Variants in EPC2 observed in about 807,000 individuals in gnomAD.
The protein encoded by EPC2 is enhancer of polycomb homolog 2.
In EPC2, 14 loss-of-function variants were observed where a neutral mutation model predicts 92.1. The observed-to-expected ratio is 0.15, with a 90% confidence interval of 0.10 to 0.24. The LOEUF (loss-of-function observed/expected upper bound fraction) is 0.24. Ranked by LOEUF, EPC2 falls within the 10% of genes least tolerant of loss-of-function variation. The probability of loss-of-function intolerance (pLI) is 1.00; values close to 1 mark genes in which losing one functional copy is unlikely to be tolerated. For synonymous variants in EPC2, 340 were observed against 334.7 expected (o/e 1.02, Z -0.17); for missense variants, 755 against 971.5 (o/e 0.78, Z 2.96).
rs1683765643 is a variant in EPC2 at position 148,645,116 on chromosome 2, C to G, written c.99C>G (p.Ser33=). The change falls in exon 1 of 14, where the codon TCC becomes TCG. Residue 33 remains serine (S), a synonymous_variant. Coordinates refer to ENST00000258484, the MANE Select transcript of EPC2 (RefSeq NM_015630.4). ...TGCCTGATCTCAACGACTGCGTCTC[C>G]ATCAACCGGGCCGTGCCCCAGATGC... ...KDMPDLNDCV[S]INRAVPQMPT... 1.2e-6 allele frequency: 2 copies of G among 1,607,964 alleles called. No individual in the cohort carries two copies. The highest frequency in any genetic ancestry group is 2.2e-5 in the South Asian group (2 of 89,652).
chr2:148,705,950 A>G (rs1033063853), intron 2 of EPC2, among the ~76,000 whole-genome samples: 6 of 152,252 alleles, frequency 3.9e-5, no homozygotes, highest in Admixed American at 3.3e-4. Context: ...TCTCCTCCAA[A>G]GGATCACAGC....
intron 1 of EPC2, among the ~76,000 whole-genome samples, chr2:148,688,113 A>T (rs1681566400): frequency 6.6e-6 from 1 of 152,206 alleles, no homozygotes; most frequent in South Asian, 2.1e-4. Context: ...AAATGGTGTA[A>T]TATCTTAGGA....
At chr2:148,681,916 T>G (rs1315477235) in intron 1 of EPC2, among the ~76,000 whole-genome samples, 2 of 152,032 alleles carry the variant, frequency 1.3e-5, no homozygotes, top group African/African-American at 4.8e-5. Context: ...GTTCCCCACC[T>G]TGTGTCCAAG....
At chr2:148,695,111 G>T (rs1272656339) in intron 2 of EPC2, among the ~76,000 whole-genome samples, 1 of 152,170 alleles carries the variant, frequency 6.6e-6, no homozygotes, top group Non-Finnish European at 1.5e-5. Flanking sequence ...AAGTTAATTT[G>T]TATCCAGTTT....
intron 1 of EPC2, among the ~76,000 whole-genome samples, chr2:148,661,415 T>C (rs1559140411): frequency 6.6e-6 from 1 of 152,160 alleles, no homozygotes; most frequent in Admixed American, 6.5e-5. Context: ...TAGTTTTCTC[T>C]GATTCTCTTA....
chr2:148,659,870 T>C lies in EPC2; in HGVS notation c.153+14700T>C, dbSNP rs577877451. Among the ~76,000 whole-genome samples, 14 of 152,250 alleles carry C rather than the reference T, an allele frequency of 9.2e-5. No homozygotes were observed. In the South Asian group the frequency reaches 2.9e-3, roughly 32 times the overall value. On this transcript the variant is annotated intron_variant, in intron 1 of 13. Transcript: ENST00000258484. ...CTGATTCTGTAGAGTAATAAAACAG[T>C]ACAGATGGTCGTTGGAAAGGTACTC...
At chr2:148,767,826 G>A (rs1480411876) in intron 7 of EPC2, among the ~76,000 whole-genome samples, 1 of 152,196 alleles carries the variant, frequency 6.6e-6, no homozygotes, top group African/African-American at 2.4e-5. Flanking sequence ...GGAGGAAGGG[G>A]TGATAGATTT....
chr2:148,757,365 G>C (rs1683211852), intron 4 of EPC2, among the ~76,000 whole-genome samples: 1 of 151,576 alleles, frequency 6.6e-6, no homozygotes, highest in Non-Finnish European at 1.5e-5. Flanking sequence ...GACAGTGCGA[G>C]ACTCCGTCTC....
chr2:148,739,259 C>G (rs966610929), intron 2 of EPC2, among the ~76,000 whole-genome samples: 1 of 152,120 alleles, frequency 6.6e-6, no homozygotes, highest in Non-Finnish European at 1.5e-5. Flanking sequence ...ATATTCATAA[C>G]AGTATTATGA....
At chr2:148,690,859 C>T (rs748683817) in intron 2 of EPC2, among the ~76,000 whole-genome samples, 3 of 152,056 alleles carry the variant, frequency 2.0e-5, no homozygotes, top group East Asian at 1.9e-4. Context: ...GATGGGATTT[C>T]GTCTTGTTGG....
intron 2 of EPC2, among the ~76,000 whole-genome samples, chr2:148,700,423 A>T (rs945357614): frequency 1.3e-5 from 2 of 151,542 alleles, no homozygotes; most frequent in African/African-American, 4.9e-5. Context: ...CTATATCTAG[A>T]TTCATTTTTT....
intron 2 of EPC2, among the ~76,000 whole-genome samples, chr2:148,738,922 C>T (rs879601851): frequency 6.6e-6 from 1 of 152,168 alleles, no homozygotes; most frequent in Non-Finnish European, 1.5e-5. Context: ...GCTGGTTGGT[C>T]ACTGAGAGAG....
chr2:148,786,514 C>A lies in EPC2; in HGVS notation c.*137C>A. The A allele has an allele frequency of 1.7e-6, 1 of 573,436 alleles. No individual in the cohort carries two copies. The highest frequency in any genetic ancestry group is 1.9e-5 in the African/African-American group (1 of 52,450). The allele number at this position is 573,436 out of a possible 1,614,324, so 35.5% of individuals were successfully genotyped here. On this transcript the variant is annotated 3_prime_UTR_variant, in exon 14 of 14. Transcript: ENST00000258484. ...GACTATAGTATATTGGATGTTAAATCCATATATGATGTATATTTTGTAAAA... is the reference window on the plus strand; with the variant it reads ...GACTATAGTATATTGGATGTTAAATACATATATGATGTATATTTTGTAAAA...
At chr2:148,741,068 A>G (rs748440953) in intron 2 of EPC2, among the ~76,000 whole-genome samples, 3 of 152,182 alleles carry the variant, frequency 2.0e-5, no homozygotes, top group Non-Finnish European at 4.4e-5. Flanking sequence ...CATAAAAGAT[A>G]AGAGAAAAAT....
chr2:148,655,497 A>G (rs932601575), intron 1 of EPC2, among the ~76,000 whole-genome samples: 2 of 152,270 alleles, frequency 1.3e-5, no homozygotes, highest in African/African-American at 4.8e-5. Flanking sequence ...TAAATTCAAA[A>G]TAATGATAAA....
chr2:148,759,942 T>G (rs1345907612), intron 4 of EPC2, among the ~76,000 whole-genome samples: 1 of 152,138 alleles, frequency 6.6e-6, no homozygotes. Flanking sequence ...GATAATTATT[T>G]GGGCATAAAG....
chr2:148,655,522 T>G (rs560907106), intron 1 of EPC2, among the ~76,000 whole-genome samples: 3 of 152,360 alleles, frequency 2.0e-5, no homozygotes, highest in Non-Finnish European at 4.4e-5. Context: ...AACGGTATTT[T>G]GACATAATTT....
At chr2:148,658,603 GTGTGTA>G (rs758520814) in intron 1 of EPC2, among the ~76,000 whole-genome samples, 1,659 of 18,106 alleles carry the variant, frequency 0.092, 15 homozygotes, top group Non-Finnish European at 0.23. Flanking sequence ...CTGTGTGTGT[GTGTGTA>G]TATATATATA....
intron 1 of EPC2, among the ~76,000 whole-genome samples, chr2:148,648,701 A>T (rs1257359818): frequency 1.3e-5 from 2 of 152,096 alleles, no homozygotes; most frequent in African/African-American, 4.8e-5. Flanking sequence ...CTATTGGACT[A>T]TCATTAGACT....
Sources: gnomAD v4.1 joint callset for allele counts (sites outside exome capture counted in the v4.1 genomes callset) on GRCh38, gnomAD v4.1.1 for gene constraint, MANE v1.5 for transcripts, NCBI Gene and HGNC (gene_info 2026-07-23, HGNC 2026-07-21) for gene names.